Variants in RBM46 observed in about 807,000 individuals in gnomAD.
The protein encoded by RBM46 is RNA binding motif protein 46, also known as probable RNA-binding protein 46.
Under a neutral mutation model 43.3 loss-of-function variants are expected in RBM46, and 12 were observed. The observed-to-expected ratio is 0.28, with a 90% CI of 0.18 to 0.45. The LOEUF (loss-of-function observed/expected upper bound fraction) is 0.45, where lower values mean the gene tolerates loss of function less well. Ranked by LOEUF, RBM46 falls within the 20% of genes least tolerant of loss-of-function variation. RBM46 has a pLI of 1.00. For synonymous variants in RBM46, 205 were observed against 207.6 expected (o/e 0.99, Z 0.11); for missense variants, 412 against 639.1 (o/e 0.64, Z 3.83).
chr4:154,785,760 G>A (rs1733728685), intron 1 of RBM46, among the ~76,000 whole-genome samples: 1 of 152,166 alleles, frequency 6.6e-6, no homozygotes, highest in African/African-American at 2.4e-5. Context: ...AATTATTGAA[G>A]AGAGTTCAGA....
intron 1 of RBM46, among the ~76,000 whole-genome samples, chr4:154,789,087 G>A (rs190609928): frequency 4.1e-4 from 62 of 152,266 alleles, no homozygotes; most frequent in African/African-American, 1.3e-3. Flanking sequence ...TGAGACAATG[G>A]GGTTTTACAA....
intron 4 of RBM46, among the ~76,000 whole-genome samples, chr4:154,803,505 A>G (rs990447832): frequency 6.6e-6 from 1 of 151,968 alleles, no homozygotes; most frequent in Non-Finnish European, 1.5e-5. Flanking sequence ...GATAGAGACC[A>G]TCCTGGCGAA....
At chr4:154,795,356 T>A (rs558300816) in intron 1 of RBM46, among the ~76,000 whole-genome samples, 1 of 152,300 alleles carries the variant, frequency 6.6e-6, no homozygotes, top group Admixed American at 6.5e-5. Context: ...ATGCTGTCCT[T>A]TTTATTTTAA....
intron 4 of RBM46, among the ~76,000 whole-genome samples, chr4:154,819,218 A>G (rs1410186936): frequency 6.6e-6 from 1 of 152,244 alleles, no homozygotes; most frequent in Non-Finnish European, 1.5e-5. Flanking sequence ...AGGACTGACA[A>G]ACCCAGATTG....
At chr4:154,800,727 TAAAAG>T (rs1215090582) in intron 4 of RBM46, among the ~76,000 whole-genome samples, 2 of 151,994 alleles carry the variant, frequency 1.3e-5, no homozygotes, top group African/African-American at 2.4e-5. Context: ...GAGAATCAAA[TAAAAG>T]AGAAAGATCT....
At chr4:154,799,862 C>T (rs944386891) in intron 4 of RBM46, among the ~76,000 whole-genome samples, 3 of 150,258 alleles carry the variant, frequency 2.0e-5, no homozygotes, top group South Asian at 4.2e-4. Flanking sequence ...TAGGTTCAGG[C>T]GATTCTCCTG....
At chr4:154,807,798 C>T (rs1356953481) in intron 4 of RBM46, among the ~76,000 whole-genome samples, 1 of 151,790 alleles carries the variant, frequency 6.6e-6, no homozygotes, top group Non-Finnish European at 1.5e-5. Flanking sequence ...TTAATAACTC[C>T]TTGGATTTTC....
chr4:154,785,875 G>A (rs1347788454), intron 1 of RBM46, among the ~76,000 whole-genome samples: 3 of 152,004 alleles, frequency 2.0e-5, no homozygotes, highest in Non-Finnish European at 2.9e-5. Context: ...TGGTTTTCTT[G>A]TCTACAGTAT....
intron 1 of RBM46, among the ~76,000 whole-genome samples, chr4:154,792,903 G>T (rs1374922355): frequency 3.3e-5 from 5 of 152,120 alleles, no homozygotes; most frequent in African/African-American, 9.7e-5. Flanking sequence ...TAAGGAACTG[G>T]GAAACCCCTG....
intron 1 of RBM46, among the ~76,000 whole-genome samples, chr4:154,782,612 A>G (rs555759551): frequency 8.5e-5 from 13 of 152,228 alleles, no homozygotes; most frequent in African/African-American, 3.1e-4. Flanking sequence ...AACTCTCGGG[A>G]GTAGCTGGGA....
In RBM46 at chr4:154,828,223, C is replaced by G. The variant is rs1167366500; in HGVS notation, c.*156C>G. ...AAACATCAGCTATAATTCAGAATAA[C>G]ATGGAGTTGTAGAATTTATAAAAAT... is the stretch of plus-strand genomic sequence containing the variant. On this transcript the variant is annotated 3_prime_UTR_variant, in exon 5 of 5. Coordinates refer to ENST00000281722, the MANE Select transcript of RBM46 (RefSeq NM_144979.5). 1.6e-6 allele frequency: 1 copy of G among 618,428 alleles called. No homozygotes were observed. The highest frequency in any genetic ancestry group is 2.8e-5 in the East Asian group (1 of 36,332). 38.3% of individuals were successfully genotyped at this position (618,428 alleles called of 1,614,324 possible).
At chr4:154,801,260 T>C (rs902897251) in intron 4 of RBM46, among the ~76,000 whole-genome samples, 1 of 152,184 alleles carries the variant, frequency 6.6e-6, no homozygotes, top group Non-Finnish European at 1.5e-5. Flanking sequence ...CAAATATTTT[T>C]AAGAGATTCT....
chr4:154,815,038 G>A (rs980934284), intron 4 of RBM46, among the ~76,000 whole-genome samples: 4 of 151,844 alleles, frequency 2.6e-5, no homozygotes, highest in Non-Finnish European at 4.4e-5. Flanking sequence ...CTGCTCAAAG[G>A]AGGCCACTCC....
Position 154,796,825 on chromosome 4 carries a change from T to A in RBM46, c.73T>A (p.Leu25Ile). ...VRTGIQNEAA[L>I]LALMEKTGYN... ...AACTGGTATTCAGAATGAAGCAGCA[T>A]TACTTGCTTTGATGGAAAAGACTGG... is the stretch of plus-strand genomic sequence containing the variant. Residue 25 changes from leucine (L) to isoleucine (I), a missense_variant, in exon 2 of 5, where the codon TTA becomes ATA. Leu to Ile is a conservative substitution (Grantham distance 5, BLOSUM62 2). Around this residue, in one of 8 missense-constraint regions of RBM46, gnomAD observed 27 missense variants for 115.8 expected, o/e 0.23. Transcript: ENST00000281722. 1 of 1,613,750 alleles carries A rather than the reference T, an allele frequency of 6.2e-7. No individual in the cohort carries two copies.
At chr4:154,798,340 A>C in intron 3 of RBM46, 62 bp downstream of exon 3, 1 of 1,025,468 alleles carries the variant, frequency 9.8e-7, no homozygotes, top group Non-Finnish European at 1.4e-6. Context: ...ATGATAGTAC[A>C]TCAGGGATCA....
chr4:154,803,702 C>CAA (rs35506499), intron 4 of RBM46, among the ~76,000 whole-genome samples: 1,058 of 41,272 alleles, frequency 0.026, 132 homozygotes, highest in East Asian at 0.11. Context: ...GACTACGTCT[C>CAA]AAAAAAAAAA....
intron 1 of RBM46, among the ~76,000 whole-genome samples, chr4:154,791,394 C>G (rs750210004): frequency 6.6e-6 from 1 of 152,152 alleles, no homozygotes; most frequent in East Asian, 1.9e-4. Flanking sequence ...CCGTGACTCA[C>G]GCCTGTAATT....
chr4:154,790,137 A>G (rs1734007403), intron 1 of RBM46, among the ~76,000 whole-genome samples: 1 of 152,024 alleles, frequency 6.6e-6, no homozygotes, highest in African/African-American at 2.4e-5. Context: ...GGGTTCATTG[A>G]TGTTTTGAAG....
At chr4:154,793,165 A>C (rs1003756363) in intron 1 of RBM46, among the ~76,000 whole-genome samples, 4 of 152,192 alleles carry the variant, frequency 2.6e-5, no homozygotes, top group Admixed American at 2.0e-4. Flanking sequence ...TATTTCTTGA[A>C]TATTTTTCCA....
Sources: gnomAD v4.1 joint callset for allele counts (sites outside exome capture counted in the v4.1 genomes callset) on GRCh38, gnomAD v4.1.1 for gene constraint, gnomAD v4.1.1 regional missense constraint, MANE v1.5 for transcripts, NCBI Gene and HGNC (gene_info 2026-07-23, HGNC 2026-07-21) for gene names.